RSPRY1: variants seen among roughly 807,000 people sequenced by gnomAD.
RSPRY1 encodes ring finger and SPRY domain containing 1.
A neutral mutation model predicts 73.1 loss-of-function variants in RSPRY1; 23 were observed. The ratio of observed to expected loss-of-function variants is 0.31; its 90% CI spans 0.23 to 0.45. The LOEUF (loss-of-function observed/expected upper bound fraction) is 0.45, where lower values mean the gene tolerates loss of function less well. Ranked by LOEUF, RSPRY1 falls within the 20% of genes least tolerant of loss-of-function variation. The pLI, the probability that RSPRY1 is intolerant of heterozygous loss-of-function variation, is 1.00. For synonymous variants in RSPRY1, 226 were observed against 251.4 expected, an observed-to-expected ratio of 0.90 and a Z score of 0.95; for missense variants, 448 against 698.7, an observed-to-expected ratio of 0.64 and a Z score of 4.05.
chr16:57,212,958 C>T lies in RSPRY1; in HGVS notation c.517-14C>T. 3 of 1,612,328 alleles carry T rather than the reference C, an allele frequency of 1.9e-6. No individual in the cohort carries two copies. The South Asian group carries it at 3.3e-5, about 18-fold the overall frequency. ...AGTATATGGGTCAAACCCACTTGTA[C>T]TTTTTTGTTTTAGGATGCACTCCAG... On this transcript the variant is annotated splice_polypyrimidine_tract_variant and intron_variant, in intron 4 of 14. Transcript: ENST00000394420.
chr16:57,227,686 A>G (rs971421328), intron 11 of RSPRY1, among the ~76,000 whole-genome samples: 13 of 152,234 alleles, frequency 8.5e-5, no homozygotes, highest in Admixed American at 5.9e-4. Flanking sequence ...TACATTTGTC[A>G]GAAAATGATA....
At chr16:57,189,590 TTTC>T (rs2074316781) in intron 1 of RSPRY1, among the ~76,000 whole-genome samples, 1 of 111,658 alleles carries the variant, frequency 9.0e-6, no homozygotes, top group Admixed American at 9.0e-5. Flanking sequence ...TTTCTTTTCT[TTTC>T]TTTTTTTTTT....
chr16:57,215,112 G>A (rs915159632), intron 6 of RSPRY1, among the ~76,000 whole-genome samples: 1 of 152,108 alleles, frequency 6.6e-6, no homozygotes, highest in Non-Finnish European at 1.5e-5. Flanking sequence ...TCCTGATGAA[G>A]GTGGACCCTC....
Position 57,231,295 on chromosome 16 carries a change from C to G in RSPRY1, c.1505C>G (p.Ala502Gly). ...TTTAATGACTACGCCTTCCTAACAG[C>G]TGAAGAAAAAATCATTTTGCCAAGG... ...STFNDYAFLT[A>G]EEKIILPRHR... Residue 502 changes from alanine (A) to glycine (G), a missense_variant, in exon 13 of 15, where the codon GCT becomes GGT. Ala to Gly is a moderately conservative substitution (Grantham distance 60). Coordinates refer to ENST00000394420, the MANE Select transcript of RSPRY1 (RefSeq NM_133368.3). 1 of 1,612,768 alleles carries G rather than the reference C, an allele frequency of 6.2e-7. No homozygotes were observed. The highest frequency in any genetic ancestry group is 8.5e-7 in the Non-Finnish European group (1 of 1,179,466).
At position 57,238,914 on chromosome 16, in the gene RSPRY1, C is replaced by A. The variant is rs1481811266; in HGVS notation, c.1670C>A (p.Thr557Asn). ...ATGGATTGTGCCTTGCAGCTGGAGA[C>A]CTGCCCATTGTGTCGTAAAGAAATA... Reference protein sequence around the residue: ...LCMDCALQLETCPLCRKEIVS... With the variant: ...LCMDCALQLENCPLCRKEIVS... The change falls in exon 15 of 15, where the codon ACC becomes AAC. Residue 557 changes from threonine (T) to asparagine (N), a missense_variant. Coordinates refer to ENST00000394420, the MANE Select transcript of RSPRY1 (RefSeq NM_133368.3). 3 of 1,608,662 alleles carry A rather than the reference C, an allele frequency of 1.9e-6. No homozygotes were observed. The highest frequency in any genetic ancestry group is 2.5e-6 in the Non-Finnish European group (3 of 1,177,448).
chr16:57,231,408 C>A lies in RSPRY1; in HGVS notation c.1529+89C>A. 3.8e-6 allele frequency: 5 copies of A among 1,323,376 alleles called. No individual in the cohort carries two copies. The South Asian group carries it at 7.5e-5, about 20-fold the overall frequency. The allele number at this position is 1,323,376 out of a possible 1,614,324, so 82.0% of individuals were successfully genotyped here. ...TATAATCAACGTTAAAAGAATATAACAAATAAATTTTGAAAACCTGAGTAA... is the reference window on the plus strand; with the variant it reads ...TATAATCAACGTTAAAAGAATATAAAAAATAAATTTTGAAAACCTGAGTAA... On this transcript the variant is annotated intron_variant, in intron 13 of 14. Transcript: ENST00000394420.
At chr16:57,207,949 T>C in intron 2 of RSPRY1, 109 bp from the exon 3 acceptor site, 1 of 705,112 alleles carries the variant, frequency 1.4e-6, no homozygotes, top group African/African-American at 1.8e-5. Context: ...CTTACATTTG[T>C]GTTCATTTCT....
chr16:57,212,730 T>C (rs573484990), intron 4 of RSPRY1, among the ~76,000 whole-genome samples: 8 of 152,258 alleles, frequency 5.3e-5, no homozygotes, highest in African/African-American at 1.9e-4. Flanking sequence ...TTCTCCTGCC[T>C]AAGCCTCCTG....
At chr16:57,188,705 G>T (rs774110667) in intron 1 of RSPRY1, among the ~76,000 whole-genome samples, 13 of 151,996 alleles carry the variant, frequency 8.6e-5, no homozygotes, top group Non-Finnish European at 4.4e-5. Flanking sequence ...TAGTAGAGAC[G>T]AGGTTTCTCC....
chr16:57,216,990 A>C lies in RSPRY1; in HGVS notation c.856A>C (p.Lys286Gln). 1 of 1,614,164 alleles carries C rather than the reference A, an allele frequency of 6.2e-7. No homozygotes were observed. The highest frequency in any genetic ancestry group is 8.5e-7 in the Non-Finnish European group (1 of 1,180,018). ...CTGGGCTAATGATCCTGATTATCTG[A>C]AACGTCAAGTTGGTTTCTGTGCCCA... Reference protein sequence around the residue: ...ESWANDPDYLKRQVGFCAQWS... With the variant: ...ESWANDPDYLQRQVGFCAQWS... The change falls in exon 8 of 15, where the codon AAA becomes CAA. Residue 286 changes from lysine to glutamine, a missense_variant. Transcript: ENST00000394420.
At chr16:57,225,686 G>C (rs1211441577) in intron 10 of RSPRY1, among the ~76,000 whole-genome samples, 1 of 152,250 alleles carries the variant, frequency 6.6e-6, no homozygotes, top group East Asian at 1.9e-4. Flanking sequence ...TTTGCATGCT[G>C]CTTCTATTTT....
At chr16:57,234,160 T>G (rs2075268055) in intron 13 of RSPRY1, among the ~76,000 whole-genome samples, 1 of 152,192 alleles carries the variant, frequency 6.6e-6, no homozygotes, top group Non-Finnish European at 1.5e-5. Context: ...GCCTCCTTGC[T>G]GCTCCTGAAA....
intron 6 of RSPRY1, 34 bp downstream of exon 6, chr16:57,213,980 C>G (rs1567502385): frequency 6.9e-7 from 1 of 1,441,380 alleles, no homozygotes; most frequent in Non-Finnish European, 9.8e-7. Flanking sequence ...TATTCTTAGT[C>G]ATCTAGAAGT....
rs182135072 is a variant in RSPRY1, at chr16:57,218,421, A to C, written c.901+1386A>C. On this transcript the variant is annotated intron_variant, in intron 8 of 14. Coordinates refer to ENST00000394420, the MANE Select transcript of RSPRY1 (RefSeq NM_133368.3). ...ACTGTAGTCACCCTGTTATGCTGTC[A>C]AATACTAGGTGTTCTTCATTCTATC... 2.6e-5 allele frequency among the ~76,000 whole-genome samples: 4 copies of C among 152,292 alleles called. No homozygotes were observed. In the East Asian group the frequency reaches 7.7e-4, roughly 29 times the overall value.
At chr16:57,230,015 T>C (rs1246550694) in intron 11 of RSPRY1, among the ~76,000 whole-genome samples, 2 of 139,840 alleles carry the variant, frequency 1.4e-5, no homozygotes, top group African/African-American at 5.4e-5. Context: ...CTTTTTTTTT[T>C]TTTTTTTTTT....
At chr16:57,203,886 A>G (rs2074673049) in intron 1 of RSPRY1, among the ~76,000 whole-genome samples, 1 of 152,284 alleles carries the variant, frequency 6.6e-6, no homozygotes, top group Admixed American at 6.5e-5. Flanking sequence ...AGCCTTGCTT[A>G]CATAACAGAA....
At chr16:57,225,790 A>G (rs1383503575) in intron 10 of RSPRY1, among the ~76,000 whole-genome samples, 4 of 152,222 alleles carry the variant, frequency 2.6e-5, no homozygotes, top group African/African-American at 4.8e-5. Flanking sequence ...TAACAAAAAG[A>G]AGAAACTGCC....
intron 13 of RSPRY1, 30 bp from the exon 14 acceptor site, chr16:57,235,091 CAAA>C (rs57550982): frequency 6.5e-7 from 1 of 1,526,720 alleles, no homozygotes; most frequent in Non-Finnish European, 9.1e-7. Context: ...CCCCTGTTGA[CAAA>C]ATGTATTTCA....
chr16:57,226,218 G>A (rs2075118730), intron 10 of RSPRY1, among the ~76,000 whole-genome samples: 1 of 152,158 alleles, frequency 6.6e-6, no homozygotes, highest in East Asian at 1.9e-4. Flanking sequence ...TGGGTATTTT[G>A]AAGTCTGCTA....
Sources: allele counts gnomAD v4.1 joint callset (sites outside exome capture counted in the v4.1 genomes callset), GRCh38; gene constraint gnomAD v4.1.1; transcripts MANE v1.5; gene names NCBI Gene and HGNC (gene_info 2026-07-23, HGNC 2026-07-21).